Variants in PHACTR3 observed in about 807,000 individuals in gnomAD.
PHACTR3 encodes phosphatase and actin regulator 3.
Under a neutral mutation model 66.8 loss-of-function variants are expected in PHACTR3, and 16 were observed. That is an observed-to-expected ratio of 0.24 (90% confidence interval 0.16 to 0.36). The LOEUF is 0.36. Among genes scored for constraint, PHACTR3 ranks in the 10% least tolerant of loss-of-function variants. The pLI, the probability that PHACTR3 is intolerant of heterozygous loss-of-function variation, is 1.00. For synonymous variants in PHACTR3, 323 were observed against 292.1 expected (o/e 1.11, Z -1.08); for missense variants, 647 against 719.9 (o/e 0.90, Z 1.16).
At chr20:59,724,709 C>G (rs2038494199) in intron 1 of PHACTR3, among the ~76,000 whole-genome samples, 1 of 152,200 alleles carries the variant, frequency 6.6e-6, no homozygotes, top group Non-Finnish European at 1.5e-5. Flanking sequence ...CTTGAGGCAT[C>G]TCTTTCAGGA....
intron 1 of PHACTR3, among the ~76,000 whole-genome samples, chr20:59,716,384 C>A (rs1033329945): frequency 2.0e-5 from 3 of 151,982 alleles, no homozygotes; most frequent in African/African-American, 7.3e-5. Context: ...TCCCAAGAAG[C>A]TGGAATTATA....
intron 8 of PHACTR3, among the ~76,000 whole-genome samples, chr20:59,808,609 C>G (rs555101663): frequency 6.6e-6 from 1 of 152,370 alleles, no homozygotes; most frequent in South Asian, 2.1e-4. Context: ...GGGGAACCAG[C>G]TCCCGGAGCG....
intron 1 of PHACTR3, among the ~76,000 whole-genome samples, chr20:59,647,195 A>G (rs745863810): frequency 1.2e-4 from 18 of 152,220 alleles, no homozygotes; most frequent in Non-Finnish European, 2.6e-4. Context: ...AAGCAAAGGC[A>G]TGTCTTACAT....
intron 8 of PHACTR3, among the ~76,000 whole-genome samples, chr20:59,806,534 G>A (rs1327539576): frequency 1.3e-5 from 2 of 152,252 alleles, no homozygotes; most frequent in Admixed American, 6.5e-5. Context: ...CCAAACTGAT[G>A]AGGACATGGC....
chr20:59,737,432 CAGG>C (rs1427160040), intron 1 of PHACTR3, among the ~76,000 whole-genome samples: 5 of 152,158 alleles, frequency 3.3e-5, no homozygotes, highest in Admixed American at 1.3e-4. Context: ...GGGGCATGGG[CAGG>C]AGGAGTGGAG....
At chr20:59,727,321 C>T (rs774517807) in intron 1 of PHACTR3, among the ~76,000 whole-genome samples, 13 of 152,034 alleles carry the variant, frequency 8.6e-5, no homozygotes, top group Non-Finnish European at 1.3e-4. Flanking sequence ...ATAGACTATA[C>T]TTGATGTGTC....
At chr20:59,812,090 T>C (rs1600699921) in intron 8 of PHACTR3, among the ~76,000 whole-genome samples, 1 of 152,180 alleles carries the variant, frequency 6.6e-6, no homozygotes, top group African/African-American at 2.4e-5. Context: ...TGAACAGCGG[T>C]CACGATGCTA....
intron 1 of PHACTR3, among the ~76,000 whole-genome samples, chr20:59,674,915 TC>T (rs1276828859): frequency 5.6e-5 from 3 of 54,020 alleles, no homozygotes; most frequent in Admixed American, 1.9e-4. Context: ...CCTTCTCCTA[TC>T]CCCCCTTCTA....
chr20:59,838,209 G>A (rs756720449), intron 9 of PHACTR3, among the ~76,000 whole-genome samples: 1 of 152,146 alleles, frequency 6.6e-6, no homozygotes, highest in Non-Finnish European at 1.5e-5. Flanking sequence ...TAGGTTTGTG[G>A]TGGGTGTTTG....
At chr20:59,841,287 GTTTTTTTTGT>G in intron 10 of PHACTR3, 98 bp from the exon 11 acceptor site, 1 of 1,173,220 alleles carries the variant, frequency 8.5e-7, no homozygotes, top group Non-Finnish European at 1.2e-6. Context: ...CCAGTTTCAG[GTTTTTTTTGT>G]TTTGTTTTGT....
chr20:59,827,118 A>T (rs1258337751), intron 8 of PHACTR3, among the ~76,000 whole-genome samples: 1 of 151,652 alleles, frequency 6.6e-6, no homozygotes, highest in Non-Finnish European at 1.5e-5. Flanking sequence ...TGTCTTTAGC[A>T]CCTGGAAGAG....
At chr20:59,598,835 C>G (rs999673316) in intron 1 of PHACTR3, among the ~76,000 whole-genome samples, 1 of 152,130 alleles carries the variant, frequency 6.6e-6, no homozygotes, top group Admixed American at 6.5e-5. Context: ...CAGCAGAGGG[C>G]GCGGCTGCCC....
intron 1 of PHACTR3, among the ~76,000 whole-genome samples, chr20:59,597,779 T>A (rs1457777763): frequency 2.0e-5 from 3 of 152,234 alleles, no homozygotes; most frequent in Admixed American, 6.5e-5. Flanking sequence ...TTCATCCTCC[T>A]GTGTGTTGCT....
chr20:59,729,505 G>A (rs977518558), intron 1 of PHACTR3, among the ~76,000 whole-genome samples: 4 of 152,152 alleles, frequency 2.6e-5, no homozygotes, highest in Non-Finnish European at 5.9e-5. Context: ...GATGAAGAGC[G>A]AGGGGCCAGA....
intron 1 of PHACTR3, among the ~76,000 whole-genome samples, chr20:59,657,910 C>G (rs1202337259): frequency 1.3e-5 from 2 of 152,044 alleles, no homozygotes; most frequent in African/African-American, 4.8e-5. Context: ...TTCTTTTTCA[C>G]TCTTCTCTTA....
chr20:59,790,590 G>A (rs1345833412), intron 7 of PHACTR3, among the ~76,000 whole-genome samples: 1 of 152,238 alleles, frequency 6.6e-6, no homozygotes, highest in Non-Finnish European at 1.5e-5. Context: ...TGTTCACACT[G>A]TGGGGTTATT....
chr20:59,803,650 A>G (rs1331676121), intron 7 of PHACTR3, among the ~76,000 whole-genome samples: 6 of 152,184 alleles, frequency 3.9e-5, no homozygotes, highest in Non-Finnish European at 5.9e-5. Context: ...CATATACGCC[A>G]CCATTTTTAA....
chr20:59,643,210 T>G (rs1391888813), intron 1 of PHACTR3, among the ~76,000 whole-genome samples: 1 of 152,198 alleles, frequency 6.6e-6, no homozygotes, highest in Non-Finnish European at 1.5e-5. Flanking sequence ...TGCGCCGGCC[T>G]AATTCTTCTT....
chr20:59,688,531 C>T (rs2036983975), intron 1 of PHACTR3, among the ~76,000 whole-genome samples: 1 of 152,220 alleles, frequency 6.6e-6, no homozygotes, highest in Non-Finnish European at 1.5e-5. Context: ...TCTCTCTTCA[C>T]TGGAGTTGCT....
Sources: allele counts gnomAD v4.1 joint callset (sites outside exome capture counted in the v4.1 genomes callset), GRCh38; gene constraint gnomAD v4.1.1; transcripts MANE v1.5; gene names NCBI Gene and HGNC (gene_info 2026-07-23, HGNC 2026-07-21).